The following AQP9 variants were observed in gnomAD, a reference collection of about 807,000 sequenced individuals.
AQP9 encodes aquaporin 9, also known as aquaporin-9.
AQP9 carries 19 observed loss-of-function variants against 23.8 expected under a neutral mutation model. The ratio of observed to expected loss-of-function variants is 0.80; its 90% CI spans 0.56 to 1.17. The LOEUF (loss-of-function observed/expected upper bound fraction) is 1.17, where lower values mean the gene tolerates loss of function less well. Among genes scored for constraint, AQP9 ranks in the 50% most tolerant of loss-of-function variants. AQP9 has a pLI of 0.00. For missense variants in AQP9, 413 were observed against 362.0 expected (o/e 1.14, Z -1.14); for synonymous variants, 153 against 131.5 (o/e 1.16, Z -1.12).
At chr15:58,179,702 T>C (rs1196169284) in intron 5 of AQP9, among the ~76,000 whole-genome samples, 1 of 152,208 alleles carries the variant, frequency 6.6e-6, no homozygotes, top group Non-Finnish European at 1.5e-5. Context: ...TGGGCTACAA[T>C]TTGCATCCTA....
At position 58,179,243 on chromosome 15, in the gene AQP9, C is replaced by T. The variant is rs1235290522; in HGVS notation, c.611C>T (p.Ala204Val). The T allele has an allele frequency of 2.5e-6, 4 of 1,614,188 alleles. No individual in the cohort carries two copies. The highest frequency in any genetic ancestry group is 3.4e-6 in the Non-Finnish European group (4 of 1,180,016). ...IAIGLLIIVI[A>V]SSLGLNSGCA... Reference sequence around the variant, plus strand: ...ATCGGCCTCCTGATTATTGTCATTGCTTCCTCCCTGGGACTGAACAGTGGC... The same window carrying T: ...ATCGGCCTCCTGATTATTGTCATTGTTTCCTCCCTGGGACTGAACAGTGGC... The change falls in exon 5 of 6, where the codon GCT becomes GTT. Residue 204 changes from alanine (A) to valine (V), a missense_variant. Transcript: ENST00000219919.
chr15:58,147,634 G>A (rs1206201181), intron 1 of AQP9, among the ~76,000 whole-genome samples: 1 of 152,144 alleles, frequency 6.6e-6, no homozygotes, highest in Non-Finnish European at 1.5e-5. Context: ...ACGACTTGAA[G>A]GCTTAGTCCC....
At chr15:58,180,329 G>T (rs911300779) in intron 5 of AQP9, among the ~76,000 whole-genome samples, 1 of 152,154 alleles carries the variant, frequency 6.6e-6, no homozygotes, top group African/African-American at 2.4e-5. Flanking sequence ...TGATGACCTA[G>T]ACATAGAGTC....
At position 58,166,673 on chromosome 15, in the gene AQP9, G is replaced by C. The variant is rs749264809; in HGVS notation, c.112G>C (p.Val38Leu). ...CTGTTGAGTTTTCCTCTCATTCCAGGTCCTTGGATGTGGCTGTGTTGCCCA... is the reference window on the plus strand; with the variant it reads ...CTGTTGAGTTTTCCTCTCATTCCAGCTCCTTGGATGTGGCTGTGTTGCCCA... Reference protein sequence around the residue: ...SEFLGTFILIVLGCGCVAQAI... With the variant: ...SEFLGTFILILLGCGCVAQAI... Residue 38 changes from valine to leucine, a missense_variant and splice_region_variant, in exon 2 of 6, where the codon GTC (valine) becomes CTC (leucine). Transcript: ENST00000219919. The C allele has an allele frequency of 1.2e-6, 2 of 1,607,722 alleles. No homozygotes were observed. Among genetic ancestry groups the C allele is most frequent in the Non-Finnish European group, 8.5e-7 (1 of 1,176,760 alleles).
At position 58,168,367 on chromosome 15, in the gene AQP9, C is replaced by T. The variant is rs1022203954; in HGVS notation, c.238+1568C>T. Among the ~76,000 whole-genome samples, 9 of 152,266 alleles carry T rather than the reference C, an allele frequency of 5.9e-5. No homozygotes were observed. The South Asian group carries it at 1.7e-3, about 28-fold the overall frequency. On this transcript the variant is annotated intron_variant, in intron 2 of 5. Coordinates refer to ENST00000219919, the MANE Select transcript of AQP9 (RefSeq NM_020980.5). ...ATTCTTACACAGCATTTACAATGCT[C>T]TATTATGAGAAGGGCATTACAAGCA...
chr15:58,152,916 G>C (rs1378667594), intron 1 of AQP9: 2 of 152,040 alleles, frequency 1.3e-5, no homozygotes, highest in East Asian at 3.9e-4. Context: ...TTCTCAATAT[G>C]ATATATAAAC....
chr15:58,143,212 A>C (rs1021549002), intron 1 of AQP9, among the ~76,000 whole-genome samples: 6 of 152,200 alleles, frequency 3.9e-5, no homozygotes, highest in Admixed American at 3.9e-4. Context: ...CCCTTTAAGA[A>C]CGTCTGAGGT....
rs1002894992 is a variant in AQP9, at chr15:58,184,037, C to A, written c.790C>A (p.Leu264Ile). 1.9e-6 allele frequency: 3 copies of A among 1,614,016 alleles called. No homozygotes were observed. Among genetic ancestry groups the A allele is most frequent in the Non-Finnish European group, 1.7e-6 (2 of 1,180,004 alleles). The change falls in exon 6 of 6, where the codon CTT (leucine) becomes ATT (isoleucine). Residue 264 changes from leucine (L) to isoleucine (I), a missense_variant. Coordinates refer to ENST00000219919, the MANE Select transcript of AQP9 (RefSeq NM_020980.5). ...GAVIGGLIYV[L>I]VIEIHHPEPD... Reference sequence around the variant, plus strand: ...TGTCATTGGAGGCCTCATCTATGTTCTTGTCATTGAAATCCACCATCCAGA... The same window carrying A: ...TGTCATTGGAGGCCTCATCTATGTTATTGTCATTGAAATCCACCATCCAGA...
rs558802139 is a variant in AQP9, at chr15:58,146,195, C to T, written c.111+7519C>T. Among the ~76,000 whole-genome samples, 13 of 152,152 alleles carry T rather than the reference C, an allele frequency of 8.5e-5. No homozygotes were observed. The South Asian group carries it at 2.7e-3, about 32-fold the overall frequency. On this transcript the variant is annotated intron_variant, in intron 1 of 5. Transcript: ENST00000219919. ...TTCCTCTTTATTACCTTGCCTTTCC[C>T]CCAGTCTGTTTTCTCCTTTTAGAAC...
At chr15:58,175,764 T>C (rs533251146) in intron 4 of AQP9, among the ~76,000 whole-genome samples, 30 of 152,338 alleles carry the variant, frequency 2.0e-4, no homozygotes, top group Admixed American at 7.2e-4. Context: ...TGGGCATGTG[T>C]ATAAAATGGA....
chr15:58,152,767 T>A (rs1022152564), intron 1 of AQP9: 1 of 152,144 alleles, frequency 6.6e-6, no homozygotes, highest in Non-Finnish European at 1.5e-5. Flanking sequence ...ACAATATACA[T>A]ATTCATAGAT....
At chr15:58,168,569 G>T (rs1898557524) in intron 2 of AQP9, among the ~76,000 whole-genome samples, 1 of 150,798 alleles carries the variant, frequency 6.6e-6, no homozygotes, top group African/African-American at 2.4e-5. Flanking sequence ...AGATCCAAGG[G>T]TCGTCCAGGT....
At chr15:58,168,580 TA>T in intron 2 of AQP9, among the ~76,000 whole-genome samples, 1 of 151,388 alleles carries the variant, frequency 6.6e-6, no homozygotes, top group African/African-American at 2.4e-5. Flanking sequence ...TCGTCCAGGT[TA>T]AGACAGAGTC....
intron 1 of AQP9, among the ~76,000 whole-genome samples, chr15:58,143,060 C>G (rs1595725537): frequency 2.0e-5 from 3 of 152,210 alleles, no homozygotes; most frequent in Non-Finnish European, 2.9e-5. Flanking sequence ...CACAGTCTTG[C>G]AGCATTTTAT....
rs149345955 is a variant in AQP9 at position 58,176,512 on chromosome 15, T to G, written c.495+1476T>G. 2.7e-3 allele frequency among the ~76,000 whole-genome samples: 416 copies of G among 151,900 alleles called. 3 individuals carry two copies. The highest frequency in any genetic ancestry group is 9.3e-3 in the African/African-American group (387 of 41,398). On this transcript the variant is annotated intron_variant, in intron 4 of 5. Coordinates refer to ENST00000219919, the MANE Select transcript of AQP9 (RefSeq NM_020980.5). Reference sequence around the variant, plus strand: ...CAGCCTGGGCAAAAAAGAAGAAAATTAGATAGGAAACTGGAGTATAGCGAC... The same window carrying G: ...CAGCCTGGGCAAAAAAGAAGAAAATGAGATAGGAAACTGGAGTATAGCGAC...
In AQP9 at chr15:58,169,753, A is replaced by G. The variant is rs180789116; in HGVS notation, c.238+2954A>G. On this transcript the variant is annotated intron_variant, in intron 2 of 5. Transcript: ENST00000219919. The stretch of plus-strand genomic sequence containing the variant: ...CCCTGGGAATGTTCCAGTCAAATCC[A>G]GTCAGTCAGAGGTCATAATACCCTA... Among the ~76,000 whole-genome samples the G allele has an allele frequency of 3.9e-3, 601 of 152,338 alleles. 1 individual carries two copies. Among genetic ancestry groups the G allele is most frequent in the Non-Finnish European group, 5.8e-3 (396 of 68,032 alleles).
Position 58,158,524 on chromosome 15 carries a change from T to A in AQP9, c.112-8149T>A, listed in dbSNP as rs532866978. ...GGGAATACAAGTAAAGCACTTAGCA[T>A]GCAACCTGGCACAAAGAATGAACTA... On this transcript the variant is annotated intron_variant, in intron 1 of 5. Coordinates refer to ENST00000219919, the MANE Select transcript of AQP9 (RefSeq NM_020980.5). Among the ~76,000 whole-genome samples the A allele has an allele frequency of 2.8e-4, 42 of 152,330 alleles. 1 individual carries two copies. Among genetic ancestry groups the A allele is most frequent in the Admixed American group, 2.4e-3 (37 of 15,296 alleles).
At chr15:58,178,072 C>A (rs1898796862) in intron 4 of AQP9, among the ~76,000 whole-genome samples, 1 of 151,932 alleles carries the variant, frequency 6.6e-6, no homozygotes, top group Admixed American at 6.6e-5. Flanking sequence ...TTATAATAAT[C>A]TAGAGATGAT....
chr15:58,156,087 T>C (rs1230111021), intron 1 of AQP9: 1 of 152,182 alleles, frequency 6.6e-6, no homozygotes, highest in East Asian at 1.9e-4. Context: ...TATAACTCAA[T>C]GCTCCGGTCT....
Sources: gnomAD v4.1 joint callset for allele counts (sites outside exome capture counted in the v4.1 genomes callset) on GRCh38, gnomAD v4.1.1 for gene constraint, MANE v1.5 for transcripts, NCBI Gene and HGNC (gene_info 2026-07-23, HGNC 2026-07-21) for gene names.